JAKMIP3: variants seen among roughly 807,000 people sequenced by gnomAD.
JAKMIP3 encodes the protein Janus kinase and microtubule interacting protein 3.
JAKMIP3 carries 58 observed loss-of-function variants against 118.5 expected under a neutral mutation model. That is an observed-to-expected ratio of 0.49 (90% CI 0.40 to 0.61). The LOEUF (loss-of-function observed/expected upper bound fraction) is 0.61. Among genes scored for constraint, JAKMIP3 ranks in the 20% least tolerant of loss-of-function variants. The probability of loss-of-function intolerance (pLI) is 0.00; values close to 1 mark genes in which losing one functional copy is unlikely to be tolerated. For synonymous variants in JAKMIP3, 486 were observed against 451.2 expected (o/e 1.08, Z -0.98); for missense variants, 950 against 1,109.0 (o/e 0.86, Z 2.04).
chr10:132,134,578 A>G (rs2051329265), intron 4 of JAKMIP3, among the ~76,000 whole-genome samples: 1 of 152,112 alleles, frequency 6.6e-6, no homozygotes, highest in Non-Finnish European at 1.5e-5. Flanking sequence ...TCCCGTGCTC[A>G]TGTCATCGTA....
intron 19 of JAKMIP3, among the ~76,000 whole-genome samples, chr10:132,154,550 A>G (rs187853087): frequency 2.0e-5 from 3 of 152,292 alleles, no homozygotes; most frequent in East Asian, 3.9e-4. Flanking sequence ...CTGGACTCCT[A>G]TCACGTGACG....
intron 2 of JAKMIP3, among the ~76,000 whole-genome samples, chr10:132,109,621 G>A (rs943912659): frequency 1.3e-5 from 2 of 152,004 alleles, no homozygotes; most frequent in Non-Finnish European, 2.9e-5. Flanking sequence ...TGGAGCCTCC[G>A]GCCGCTTTTC....
chr10:132,180,662 T>TGC lies in JAKMIP3; in HGVS notation c.*1104-1694_*1104-1693insCG, dbSNP rs1554963097. On this transcript the variant is annotated intron_variant, in intron 23 of 23. Transcript: ENST00000684848. ...GCGTGTGTGCGTGTGCGTGTGCGTG[T>TGC]GTGCGTGTGTGTGCGCGCGCGTGTG... 1.0e-3 allele frequency among the ~76,000 whole-genome samples: 34 copies of TGC among 33,394 alleles called. 5 individuals carry two copies. Among genetic ancestry groups the TGC allele is most frequent in the African/African-American group, 3.5e-3 (23 of 6,594 alleles). 21.9% of individuals were successfully genotyped at this position (33,394 alleles called of 152,430 possible).
chr10:132,083,620 G>C (rs2042043651), intron 1 of JAKMIP3, among the ~76,000 whole-genome samples: 1 of 152,168 alleles, frequency 6.6e-6, no homozygotes, highest in Non-Finnish European at 1.5e-5. Context: ...CCAACGTCTA[G>C]AAGAGTTTTT....
intron 20 of JAKMIP3, 129 bp downstream of exon 20, chr10:132,163,541 C>A: frequency 1.3e-6 from 1 of 760,620 alleles, no homozygotes; most frequent in Non-Finnish European, 2.1e-6. Flanking sequence ...AGTGGCCACA[C>A]CCCTCATAAC....
At chr10:132,119,058 G>A (rs757666778) in intron 3 of JAKMIP3, among the ~76,000 whole-genome samples, 4 of 152,130 alleles carry the variant, frequency 2.6e-5, no homozygotes, top group African/African-American at 7.2e-5. Flanking sequence ...TCTCACCCCC[G>A]ATCTGAACCC....
At chr10:132,136,449 G>A (rs1039723114) in intron 6 of JAKMIP3, among the ~76,000 whole-genome samples, 3 of 152,304 alleles carry the variant, frequency 2.0e-5, no homozygotes, top group Admixed American at 6.5e-5. Context: ...GGCACACAGC[G>A]CCAAGCAGGA....
intron 2 of JAKMIP3, among the ~76,000 whole-genome samples, chr10:132,109,522 TCTGTC>T (rs1452515931): frequency 2.0e-5 from 3 of 152,274 alleles, no homozygotes; most frequent in Admixed American, 6.5e-5. Context: ...CCGGGCGTCT[TCTGTC>T]CTGAGAACGA....
At chr10:132,102,273 C>T (rs548736103) in intron 1 of JAKMIP3, among the ~76,000 whole-genome samples, 4 of 152,250 alleles carry the variant, frequency 2.6e-5, no homozygotes, top group South Asian at 4.1e-4. Context: ...GGCAGTGCGC[C>T]GGGCCCGGCG....
At chr10:132,156,163 T>C (rs1385518201) in intron 19 of JAKMIP3, among the ~76,000 whole-genome samples, 1 of 152,180 alleles carries the variant, frequency 6.6e-6, no homozygotes. Flanking sequence ...GGAGAGACCT[T>C]CTTGCTGAGG....
chr10:132,147,282 G>A (rs564904793), intron 13 of JAKMIP3, among the ~76,000 whole-genome samples: 2 of 152,356 alleles, frequency 1.3e-5, no homozygotes, highest in African/African-American at 2.4e-5. Flanking sequence ...CTGGAGCTCA[G>A]CTTCAGGGGA....
Position 132,180,702 on chromosome 10 carries a change from T to TGC in JAKMIP3, c.*1104-1654_*1104-1653insCG, listed in dbSNP as rs1188413798. Among the ~76,000 whole-genome samples the TGC allele has an allele frequency of 1.7e-3, 54 of 31,926 alleles. 6 individuals carry two copies. The East Asian group carries it at 0.019, about 11-fold the overall frequency. The allele number at this position is 31,926 out of a possible 152,430, so 20.9% of individuals were successfully genotyped here. ...GCGCGCGTGTGTGTGCGTGCGTGTG[T>TGC]GTGTGCGCGTGTGTGTGCGTGTGTG... On this transcript the variant is annotated intron_variant, in intron 23 of 23. Transcript: ENST00000684848.
rs115127191 is a variant in JAKMIP3 at position 132,046,998 on chromosome 10, C to T, written c.-138+10260C>T. On this transcript the variant is annotated intron_variant, in intron 1 of 23. Coordinates refer to the JAKMIP3 transcript ENST00000657785. ...TCCTGGGCTCAAGCAATTGTCCTGC[C>T]CCAGCTCTCCTGAGTCACTGGGACT... 3.8e-3 allele frequency among the ~76,000 whole-genome samples: 579 copies of T among 152,234 alleles called. 2 individuals are homozygous for T. The highest frequency in any genetic ancestry group is 0.013 in the African/African-American group (557 of 41,528).
At chr10:132,131,281 G>GT (rs1052927703) in intron 3 of JAKMIP3, among the ~76,000 whole-genome samples, 2 of 150,294 alleles carry the variant, frequency 1.3e-5, no homozygotes, top group Non-Finnish European at 3.0e-5. Flanking sequence ...AGGTAAGGGT[G>GT]TGGGGGGCTG....
intron 3 of JAKMIP3, among the ~76,000 whole-genome samples, chr10:132,131,426 T>G (rs2050570787): frequency 1.4e-5 from 2 of 138,084 alleles, no homozygotes; most frequent in Non-Finnish European, 1.6e-5. Context: ...GGGGTGAGGG[T>G]ATGGGGGCCT....
rs1172739150 is a variant in JAKMIP3, at chr10:132,133,366, G to C, written c.688G>C (p.Gly230Arg). 3.7e-6 allele frequency: 6 copies of C among 1,602,896 alleles called. No individual in the cohort carries two copies. Among genetic ancestry groups the C allele is most frequent in the Non-Finnish European group, 5.1e-6 (6 of 1,174,820 alleles). Residue 230 changes from glycine (G) to arginine (R), a missense_variant, in exon 4 of 24, where the codon GGG (glycine) becomes CGG (arginine). Transcript: ENST00000684848. ...RAVFVLEREL[G>R]VQAGHAQRLQ... is the part of the protein sequence containing the mutation. ...AGTCTTCGTGCTGGAGAGAGAGTTA[G>C]GGGTTCAAGCCGGGCATGCTCAGAG...
chr10:132,040,663 T>TA (rs1440889113), intron 1 of JAKMIP3, among the ~76,000 whole-genome samples: 51 of 152,208 alleles, frequency 3.4e-4, no homozygotes, highest in Non-Finnish European at 6.0e-4. Context: ...ATTTTCATTT[T>TA]TTTTTTATCG....
chr10:132,172,249 C>A (rs1485108298), intron 23 of JAKMIP3, among the ~76,000 whole-genome samples: 1 of 152,080 alleles, frequency 6.6e-6, no homozygotes, highest in Non-Finnish European at 1.5e-5. Flanking sequence ...GGGGGCATGC[C>A]CCAGGAGTGA....
intron 12 of JAKMIP3, 111 bp from the exon 13 acceptor site, chr10:132,145,407 C>T: frequency 1.8e-6 from 2 of 1,116,074 alleles, no homozygotes; most frequent in South Asian, 1.4e-5. Flanking sequence ...AGAGACGGGG[C>T]TTTGCCACGC....
Sources: allele counts gnomAD v4.1 joint callset (sites outside exome capture counted in the v4.1 genomes callset), GRCh38; gene constraint gnomAD v4.1.1; transcripts MANE v1.5; gene names NCBI Gene and HGNC (gene_info 2026-07-23, HGNC 2026-07-21).